Variants in FBLN1 observed in about 807,000 individuals in gnomAD.
FBLN1 encodes the protein fibulin 1.
Under a neutral mutation model 89.7 loss-of-function variants are expected in FBLN1, and 34 were observed. That is an observed-to-expected ratio of 0.38 (90% CI 0.29 to 0.50). The LOEUF is 0.50. FBLN1 is among the 20% of genes least tolerant of loss of function. FBLN1 has a pLI of 0.92. For missense variants in FBLN1, 777 were observed against 988.1 expected, an observed-to-expected ratio of 0.79 and a Z score of 2.86; for synonymous variants, 393 against 391.3, an observed-to-expected ratio of 1.00 and a Z score of -0.05.
rs1005462626 is a variant in FBLN1, at chr22:45,577,268, C to T, written c.1972+160C>T. Reference sequence around the variant, plus strand: ...GAGGCCACCACAGCTCCCAATCGGTCTCGGCCGGAGGAACAGCCAGAGTGG... The same window carrying T: ...GAGGCCACCACAGCTCCCAATCGGTTTCGGCCGGAGGAACAGCCAGAGTGG... On this transcript the variant is annotated intron_variant, in intron 16 of 16. Transcript: ENST00000327858. The surrounding 1 kb of genome is among the most constrained non-coding windows in gnomAD (Gnocchi z 6.6). Among the ~76,000 whole-genome samples, 1 of 152,132 alleles carries T rather than the reference C, an allele frequency of 6.6e-6. No homozygotes were observed. The highest frequency in any genetic ancestry group is 1.5e-5 in the Non-Finnish European group (1 of 68,022).
Position 45,533,015 on chromosome 22 carries a change from C to A in FBLN1, c.545-48C>A, listed in dbSNP as rs146024578. Reference sequence around the variant, plus strand: ...AGCCTGAACGGAGCTAGAAACCAGGCGGTGCCTGGGTGCGTCCATCCCTGG... The same window carrying A: ...AGCCTGAACGGAGCTAGAAACCAGGAGGTGCCTGGGTGCGTCCATCCCTGG... On this transcript the variant is annotated intron_variant, in intron 5 of 16. Transcript: ENST00000327858. The A allele has an allele frequency of 1.7e-4, 264 of 1,536,002 alleles. 1 individual carries two copies. In the African/African-American group the frequency reaches 3.2e-3, roughly 19 times the overall value.
chr22:45,584,834 G>T (rs754954934), intron 16 of FBLN1, among the ~76,000 whole-genome samples: 5 of 152,232 alleles, frequency 3.3e-5, no homozygotes, highest in Non-Finnish European at 7.3e-5. Flanking sequence ...GGCAGATCTC[G>T]CGGCCTGGGC....
intron 7 of FBLN1, 40 bp downstream of exon 7, chr22:45,533,938 G>T: frequency 6.2e-7 from 1 of 1,612,504 alleles, no homozygotes; most frequent in Non-Finnish European, 8.5e-7. Context: ...TGGTCTTCCA[G>T]GCGTAGATAC....
intron 2 of FBLN1, among the ~76,000 whole-genome samples, chr22:45,521,945 G>A (rs1364490340): frequency 6.6e-6 from 1 of 151,978 alleles, no homozygotes; most frequent in African/African-American, 2.4e-5. Flanking sequence ...CAAAAAACAG[G>A]GATCACTGAC....
Position 45,576,216 on chromosome 22 carries a change from G to C in FBLN1, c.1841-761G>C, listed in dbSNP as rs933515193. On this transcript the variant is annotated intron_variant, in intron 15 of 16. Transcript: ENST00000327858. This position sits in a 1 kb window ranked among gnomAD's most constrained non-coding sequence, Gnocchi z 5.2. ...GTATTTGCCTTTTGCAAAATGATGGGGTTTCACCAAACCACATACAAATCC... is the reference window on the plus strand; with the variant it reads ...GTATTTGCCTTTTGCAAAATGATGGCGTTTCACCAAACCACATACAAATCC... 2.6e-5 allele frequency among the ~76,000 whole-genome samples: 4 copies of C among 152,170 alleles called. No individual in the cohort carries two copies. Among genetic ancestry groups the C allele is most frequent in the African/African-American group, 9.7e-5 (4 of 41,428 alleles).
At position 45,562,909 on chromosome 22, in the gene FBLN1, C is replaced by T; in HGVS notation, c.1698-11602C>T. 4 of 1,613,516 alleles carry T rather than the reference C, an allele frequency of 2.5e-6. No individual in the cohort carries two copies. Among genetic ancestry groups the T allele is most frequent in the East Asian group, 2.2e-5 (1 of 44,868 alleles). On this transcript the variant is annotated intron_variant, in intron 14 of 16. Coordinates refer to ENST00000327858, the MANE Select transcript of FBLN1 (RefSeq NM_006486.3). The surrounding 1 kb of genome is among the most constrained non-coding windows in gnomAD (Gnocchi z 7.8). ...CTTGTCTCTCTGCCCACTTTTCTTGCAGCCGCTGTGAGCGCTTGCCTTGCC... is the reference window on the plus strand; with the variant it reads ...CTTGTCTCTCTGCCCACTTTTCTTGTAGCCGCTGTGAGCGCTTGCCTTGCC...
chr22:45,573,687 A>C (rs2088969317), intron 14 of FBLN1, among the ~76,000 whole-genome samples: 2 of 149,028 alleles, frequency 1.3e-5, no homozygotes. Context: ...TCTCAAAAAA[A>C]AAAAAAAAAA....
At position 45,556,204 on chromosome 22, in the gene FBLN1, C is replaced by T. The variant is rs557699668; in HGVS notation, c.1697+5589C>T. On this transcript the variant is annotated intron_variant, in intron 14 of 16. Coordinates refer to ENST00000327858, the MANE Select transcript of FBLN1 (RefSeq NM_006486.3). The surrounding 1 kb of genome is among the most constrained non-coding windows in gnomAD (Gnocchi z 4.6). ...AGAGATGGGGTTTCACCATGTGGGT[C>T]AGGCTGGTCTTGAGCTCCTGACCTC... Among the ~76,000 whole-genome samples the T allele has an allele frequency of 6.6e-6, 1 of 152,320 alleles. No homozygotes were observed. The highest frequency in any genetic ancestry group is 2.4e-5 in the African/African-American group (1 of 41,576).
intron 7 of FBLN1, among the ~76,000 whole-genome samples, chr22:45,534,227 C>T (rs2088450868): frequency 7.7e-6 from 1 of 130,590 alleles, no homozygotes; most frequent in South Asian, 2.4e-4. Flanking sequence ...TCTAAAAAGG[C>T]TCAGTGCATG....
At chr22:45,596,583 TA>T (rs1158058252) in intron 16 of FBLN1, among the ~76,000 whole-genome samples, 1 of 149,660 alleles carries the variant, frequency 6.7e-6, no homozygotes, top group Non-Finnish European at 1.5e-5. Context: ...TATATACATA[TA>T]TCAACATAAG....
In FBLN1 at chr22:45,561,219, C is replaced by T. The variant is rs958377705; in HGVS notation, c.1697+10604C>T. On this transcript the variant is annotated intron_variant, in intron 14 of 16. Coordinates refer to ENST00000327858, the MANE Select transcript of FBLN1 (RefSeq NM_006486.3). The surrounding 1 kb of genome is among the most constrained non-coding windows in gnomAD (Gnocchi z 4.7). Reference sequence around the variant, plus strand: ...AGGTCAGCCACTCGCATGATAAGAGCTTGTGTCTGTTTTTCCACAATTTCA... The same window carrying T: ...AGGTCAGCCACTCGCATGATAAGAGTTTGTGTCTGTTTTTCCACAATTTCA... 4.6e-5 allele frequency among the ~76,000 whole-genome samples: 7 copies of T among 152,194 alleles called. No homozygotes were observed. Among genetic ancestry groups the T allele is most frequent in the African/African-American group, 1.4e-4 (6 of 41,442 alleles).
intron 4 of FBLN1, among the ~76,000 whole-genome samples, chr22:45,528,744 A>G (rs960263397): frequency 6.6e-6 from 1 of 152,172 alleles, no homozygotes; most frequent in African/African-American, 2.4e-5. Flanking sequence ...CTTACGATGA[A>G]CCATTACAGG....
intron 14 of FBLN1, among the ~76,000 whole-genome samples, chr22:45,570,345 G>GAAAAAAAAAA (rs2088941925): frequency 1.6e-5 from 1 of 62,864 alleles, no homozygotes; most frequent in Non-Finnish European, 3.2e-5. Context: ...AAAAAGAAAA[G>GAAAAAAAAAA]AAAAGAAAAG....
chr22:45,523,679 G>C (rs2088281731), intron 2 of FBLN1, among the ~76,000 whole-genome samples: 1 of 152,160 alleles, frequency 6.6e-6, no homozygotes, highest in African/African-American at 2.4e-5. Context: ...ACTCCAGCCT[G>C]GGCGACAGAG....
At chr22:45,519,757 C>T (rs762085608) in intron 2 of FBLN1, among the ~76,000 whole-genome samples, 1 of 152,182 alleles carries the variant, frequency 6.6e-6, no homozygotes, top group Non-Finnish European at 1.5e-5. Flanking sequence ...GGACAGCAGC[C>T]AGTCTGGCCC....
At chr22:45,568,308 G>A (rs1480748511) in intron 14 of FBLN1, among the ~76,000 whole-genome samples, 1 of 152,256 alleles carries the variant, frequency 6.6e-6, no homozygotes, top group Non-Finnish European at 1.5e-5. Flanking sequence ...TAATAGAAAT[G>A]TATTACTTCA....
chr22:45,516,346 C>T (rs996701056), intron 1 of FBLN1, among the ~76,000 whole-genome samples: 5 of 152,134 alleles, frequency 3.3e-5, no homozygotes, highest in Non-Finnish European at 5.9e-5. Flanking sequence ...AGAGCAGCCT[C>T]GCTGTCAGGC....
Position 45,576,992 on chromosome 22 carries a change from G to A in FBLN1, c.1856G>A (p.Arg619Gln), listed in dbSNP as rs11557534. The change falls in exon 16 of 17, where the codon CGG (arginine) becomes CAG (glutamine). Residue 619 changes from arginine to glutamine, a missense_variant. Coordinates refer to ENST00000327858, the MANE Select transcript of FBLN1 (RefSeq NM_006486.3). This position sits in a 1 kb window ranked among gnomAD's most constrained non-coding sequence, Gnocchi z 5.2. ...FTRPEEIIFL[R>Q]AITPPHPASQ... ...GCCTCTGCAGAGATCATCTTCCTCC[G>A]GGCCATCACGCCACCGCATCCTGCC... 9.9e-6 allele frequency: 16 copies of A among 1,613,876 alleles called. No individual in the cohort carries two copies. The highest frequency in any genetic ancestry group is 4.5e-5 in the East Asian group (2 of 44,886).
At chr22:45,528,888 G>A (rs1239549457) in intron 4 of FBLN1, among the ~76,000 whole-genome samples, 2 of 152,150 alleles carry the variant, frequency 1.3e-5, no homozygotes, top group African/African-American at 2.4e-5. Flanking sequence ...GTCTGGGATC[G>A]GACAAATCTG....
Sources: allele counts gnomAD v4.1 joint callset (sites outside exome capture counted in the v4.1 genomes callset), GRCh38; gene constraint gnomAD v4.1.1; non-coding constraint Gnocchi (gnomAD v3.1); transcripts MANE v1.5; gene names NCBI Gene and HGNC (gene_info 2026-07-23, HGNC 2026-07-21).